SALL3: variants seen among roughly 807,000 people sequenced by gnomAD.
The protein encoded by SALL3 is sal-like protein 3.
In SALL3, 25 loss-of-function variants were observed where a neutral mutation model predicts 66.2. The ratio of observed to expected loss-of-function variants is 0.38; its 90% CI spans 0.28 to 0.53. The LOEUF is 0.53. Ranked by LOEUF, SALL3 falls within the 20% of genes least tolerant of loss-of-function variation. The probability of loss-of-function intolerance (pLI) is 0.85; values close to 1 mark genes in which losing one functional copy is unlikely to be tolerated. For missense variants in SALL3, 2,194 were observed against 1,916.5 expected (o/e 1.14, Z -2.70); for synonymous variants, 1,152 against 899.1 (o/e 1.28, Z -5.03).
rs146176042 is a variant in SALL3, at chr18:78,991,760, C to G, written c.83-314C>G. On this transcript the variant is annotated intron_variant, in intron 1 of 2. Transcript: ENST00000537592. ...GATGGTAAAGGGGAATCCTAATGAG[C>G]CCATCGAAAGCCGGCTTTGTACTCA... 1.3e-4 allele frequency: 43 copies of G among 338,958 alleles called. No homozygotes were observed. In the East Asian group the frequency reaches 1.8e-3, roughly 14 times the overall value. The allele number at this position is 338,958 out of a possible 1,614,324, so 21.0% of individuals were successfully genotyped here. A position where few individuals can be genotyped will look rare whatever the true frequency, so the allele number is the denominator to read the frequency against.
Position 78,994,388 on chromosome 18 carries a change from C to T in SALL3, c.2397C>T (p.Asp799=). 2 of 1,613,320 alleles carry T rather than the reference C, an allele frequency of 1.2e-6. No homozygotes were observed. Among genetic ancestry groups the T allele is most frequent in the East Asian group, 2.2e-5 (1 of 44,866 alleles). The change falls in exon 2 of 3, where the codon GAC becomes GAT. Residue 799 remains aspartate, a synonymous_variant. Transcript: ENST00000537592. ...AGACCCTGAGCAGCTACGATGACGA[C>T]ATGGACGAGAACTCCATGGAGGACG... ...NAETLSSYDD[D]MDENSMEDDA...
chr18:78,996,095 C>T (rs1015068316), intron 2 of SALL3, among the ~76,000 whole-genome samples: 2 of 152,206 alleles, frequency 1.3e-5, no homozygotes, highest in Non-Finnish European at 2.9e-5. Flanking sequence ...TCGTTCTGTC[C>T]GTGTGGCTGC....
At position 78,997,473 on chromosome 18, in the gene SALL3, C is replaced by T; in HGVS notation, c.*151C>T. 2 of 692,274 alleles carry T rather than the reference C, an allele frequency of 2.9e-6. No homozygotes were observed. The highest frequency in any genetic ancestry group is 4.8e-6 in the Non-Finnish European group (2 of 415,036). 42.9% of individuals were successfully genotyped at this position (692,274 alleles called of 1,614,324 possible). ...CCGAGAGGTGGTCTTGTAAGCGCTG[C>T]ATGGCGCTCCCTTCAACAGCAAGCC... On this transcript the variant is annotated 3_prime_UTR_variant, in exon 3 of 3. Coordinates refer to ENST00000537592, the MANE Select transcript of SALL3 (RefSeq NM_171999.4).
chr18:78,987,933 A>G (rs1914301647), intron 1 of SALL3, among the ~76,000 whole-genome samples: 1 of 152,228 alleles, frequency 6.6e-6, no homozygotes, highest in Admixed American at 6.5e-5. Context: ...TTCCTTTGAC[A>G]TTAATGATAA....
intron 1 of SALL3, among the ~76,000 whole-genome samples, chr18:78,985,505 A>G (rs1017558046): frequency 3.9e-5 from 6 of 152,190 alleles, no homozygotes; most frequent in African/African-American, 1.4e-4. Flanking sequence ...GTGCAGAGTC[A>G]CTGGCTTCAA....
rs553850107 is a variant in SALL3 at position 78,993,231 on chromosome 18, G to A, written c.1240G>A (p.Glu414Lys). 58 of 1,611,108 alleles carry A rather than the reference G, an allele frequency of 3.6e-5. No homozygotes were observed. Among genetic ancestry groups the A allele is most frequent in the Admixed American group, 6.7e-5 (4 of 59,972 alleles). Reference protein sequence around the residue: ...VSVFEPKASAEDPFFKHKCRF... With the variant: ...VSVFEPKASAKDPFFKHKCRF... ...GGTGTTCGAGCCCAAAGCCAGCGCC[G>A]AGGACCCGTTCTTCAAGCACAAATG... is the stretch of plus-strand genomic sequence containing the variant. The change falls in exon 2 of 3, where the codon GAG (glutamate) becomes AAG (lysine). Residue 414 changes from glutamate to lysine, a missense_variant. By Grantham distance (56) the Glu-to-Lys change is moderately conservative. Transcript: ENST00000537592.
At chr18:78,980,910 C>T (rs1470155245) in intron 1 of SALL3, among the ~76,000 whole-genome samples, 2 of 152,154 alleles carry the variant, frequency 1.3e-5, no homozygotes, top group Non-Finnish European at 2.9e-5. Context: ...AGGAGAAGGT[C>T]GGGGGCTTGG....
intron 1 of SALL3, among the ~76,000 whole-genome samples, chr18:78,986,577 G>GA (rs1181854371): frequency 6.6e-6 from 1 of 152,186 alleles, no homozygotes; most frequent in Non-Finnish European, 1.5e-5. Context: ...TAATTTGCAA[G>GA]AAAATAAGTG....
intron 1 of SALL3, among the ~76,000 whole-genome samples, chr18:78,984,465 A>T (rs1337535374): frequency 6.6e-6 from 1 of 152,196 alleles, no homozygotes; most frequent in African/African-American, 2.4e-5. Flanking sequence ...ATTTTCCTAC[A>T]TGATTTGTTC....
intron 1 of SALL3, among the ~76,000 whole-genome samples, chr18:78,986,753 T>G (rs1290053200): frequency 2.0e-5 from 3 of 152,194 alleles, no homozygotes; most frequent in African/African-American, 7.2e-5. Flanking sequence ...CTAAACAAAT[T>G]CTGCTTCTCT....
chr18:78,987,215 C>A (rs1914274501), intron 1 of SALL3, among the ~76,000 whole-genome samples: 1 of 152,090 alleles, frequency 6.6e-6, no homozygotes, highest in African/African-American at 2.4e-5. Context: ...GCTAAAAATT[C>A]TGCCTGTCAT....
At chr18:78,980,899 G>C (rs1914035138) in intron 1 of SALL3, among the ~76,000 whole-genome samples, 1 of 152,204 alleles carries the variant, frequency 6.6e-6, no homozygotes, top group African/African-American at 2.4e-5. Flanking sequence ...CTCGCGAGGC[G>C]AGGAGAAGGT....
intron 1 of SALL3, among the ~76,000 whole-genome samples, chr18:78,987,595 A>G (rs1914290133): frequency 6.6e-6 from 1 of 152,164 alleles, no homozygotes; most frequent in Non-Finnish European, 1.5e-5. Context: ...AAAAAAAACT[A>G]TATTTTTATC....
Position 78,994,793 on chromosome 18 carries a change from G to C in SALL3, c.2802G>C (p.Lys934Asn). Residue 934 changes from lysine to asparagine, a missense_variant, in exon 2 of 3, where the codon AAG becomes AAC. Coordinates refer to ENST00000537592, the MANE Select transcript of SALL3 (RefSeq NM_171999.4). Reference sequence around the variant, plus strand: ...AGGAGCCCCAGGAAATCCCGCTCAAGACCGAGAGGCCGGACAGCCCAGCCG... The same window carrying C: ...AGGAGCCCCAGGAAATCCCGCTCAACACCGAGAGGCCGGACAGCCCAGCCG... Reference protein sequence around the residue: ...APEEPQEIPLKTERPDSPAAA... With the variant: ...APEEPQEIPLNTERPDSPAAA... 6.3e-7 allele frequency: 1 copy of C among 1,598,130 alleles called. No homozygotes were observed. The highest frequency in any genetic ancestry group is 8.5e-7 in the Non-Finnish European group (1 of 1,174,986).
Position 78,995,002 on chromosome 18 carries a change from C to A in SALL3, c.3011C>A (p.Pro1004Gln), listed in dbSNP as rs766824875. The change falls in exon 2 of 3, where the codon CCA becomes CAA. Residue 1004 changes from proline (P) to glutamine (Q), a missense_variant. Transcript: ENST00000537592. ...TACCGCAGCCATACTAAGGAGCGGC[C>A]ATTCGTCTGCGCGCTCTGCAGGCGA... ...IHYRSHTKER[P>Q]FVCALCRRGC... 7.4e-6 allele frequency: 12 copies of A among 1,613,906 alleles called. No homozygotes were observed. The highest frequency in any genetic ancestry group is 1.0e-5 in the Non-Finnish European group (12 of 1,180,026).
At position 78,996,928 on chromosome 18, in the gene SALL3, C is replaced by G; in HGVS notation, c.3509C>G (p.Ala1170Gly). The G allele has an allele frequency of 6.2e-7, 1 of 1,612,768 alleles. No individual in the cohort carries two copies. Among genetic ancestry groups the G allele is most frequent in the African/African-American group, 1.3e-5 (1 of 75,036 alleles). The change falls in exon 3 of 3, where the codon GCG (alanine) becomes GGG (glycine). Residue 1170 changes from alanine to glycine, a missense_variant. Ala to Gly is a moderately conservative substitution (Grantham distance 60). Transcript: ENST00000537592. ...ACACACATGTGGAATAACGCCCCCG[C>G]GAGACGCGGCCGCCGCCTGTCTGTG... ...MGTHMWNNAP[A>G]RRGRRLSVEN...
At chr18:78,995,757 ATATT>A (rs1402796496) in intron 2 of SALL3, among the ~76,000 whole-genome samples, 1 of 152,000 alleles carries the variant, frequency 6.6e-6, no homozygotes, top group Middle Eastern at 3.2e-3. Context: ...ATGTATCCAT[ATATT>A]TATAACGTGC....
In SALL3 at chr18:78,994,634, G is replaced by C. The variant is rs773605037; in HGVS notation, c.2643G>C (p.Ser881=). The part of the protein sequence containing the change: ...ESDRLSNDSS[S]AVGDLESRSA... Reference sequence around the variant, plus strand: ...ACCGCCTGAGCAACGACTCCTCGTCGGCCGTGGGCGACCTGGAGAGCCGCA... The same window carrying C: ...ACCGCCTGAGCAACGACTCCTCGTCCGCCGTGGGCGACCTGGAGAGCCGCA... Residue 881 remains serine, a synonymous_variant, in exon 2 of 3, where the codon TCG becomes TCC. Coordinates refer to ENST00000537592, the MANE Select transcript of SALL3 (RefSeq NM_171999.4). 1 of 1,608,998 alleles carries C rather than the reference G, an allele frequency of 6.2e-7. No homozygotes were observed. Among genetic ancestry groups the C allele is most frequent in the Non-Finnish European group, 8.5e-7 (1 of 1,177,954 alleles).
In SALL3 at chr18:78,980,374, G is replaced by A. The variant is rs1913983902; in HGVS notation, c.82+18G>A. On this transcript the variant is annotated intron_variant, in intron 1 of 2. Coordinates refer to ENST00000537592, the MANE Select transcript of SALL3 (RefSeq NM_171999.4). ...CGAGCACGGTGAGGGCCGGGGCTGC[G>A]GGGTGGCCGGGGGGTCTGGGGCTGC... The A allele has an allele frequency of 2.2e-6, 3 of 1,390,534 alleles. No homozygotes were observed. Among genetic ancestry groups the A allele is most frequent in the East Asian group, 3.2e-5 (1 of 31,226 alleles). 86.1% of individuals were successfully genotyped at this position (1,390,534 alleles called of 1,614,324 possible). A position where few individuals can be genotyped will look rare whatever the true frequency, so the allele number is the denominator to read the frequency against.
Sources: allele counts gnomAD v4.1 joint callset (sites outside exome capture counted in the v4.1 genomes callset), GRCh38; gene constraint gnomAD v4.1.1; transcripts MANE v1.5; gene names NCBI Gene and HGNC (gene_info 2026-07-23, HGNC 2026-07-21).